The following MEI4 variants were observed in gnomAD, a reference collection of about 807,000 sequenced individuals.
The protein encoded by MEI4 is meiotic double-stranded break formation protein 4, also known as meiosis-specific protein MEI4.
In MEI4, 27 loss-of-function variants were observed where a neutral mutation model predicts 31.4. The ratio of observed to expected loss-of-function variants is 0.86; its 90% CI spans 0.63 to 1.19. The LOEUF (loss-of-function observed/expected upper bound fraction) is 1.19. Ranked by LOEUF, MEI4 falls within the 50% of genes most tolerant of loss-of-function variation. The probability of loss-of-function intolerance (pLI) is 0.00; values close to 1 mark genes in which losing one functional copy is unlikely to be tolerated. For missense variants in MEI4, 329 were observed against 398.9 expected, an observed-to-expected ratio of 0.82 and a Z score of 1.49; for synonymous variants, 122 against 145.4, an observed-to-expected ratio of 0.84 and a Z score of 1.16.
At chr6:77,763,314 A>G (rs1768085544) in intron 3 of MEI4, among the ~76,000 whole-genome samples, 2 of 152,068 alleles carry the variant, frequency 1.3e-5, no homozygotes, top group South Asian at 2.1e-4. Context: ...CTCAGCTAGT[A>G]TCTCACTATG....
At chr6:77,888,608 T>C (rs1450106496) in intron 4 of MEI4, among the ~76,000 whole-genome samples, 1 of 152,190 alleles carries the variant, frequency 6.6e-6, no homozygotes, top group Non-Finnish European at 1.5e-5. Context: ...CTAATGGGCA[T>C]AATATTCTTG....
chr6:77,871,714 T>TA (rs1771198037), intron 4 of MEI4, among the ~76,000 whole-genome samples: 1 of 151,986 alleles, frequency 6.6e-6, no homozygotes, highest in African/African-American at 2.4e-5. Context: ...GAAATTATTT[T>TA]TAAAAAAACA....
At position 77,897,618 on chromosome 6, in the gene MEI4, T is replaced by C. The variant is rs114144439; in HGVS notation, c.901-25471T>C. Among the ~76,000 whole-genome samples, 1,440 of 152,094 alleles carry C rather than the reference T, an allele frequency of 9.5e-3. 18 individuals are homozygous for C. Among genetic ancestry groups the C allele is most frequent in the African/African-American group, 0.032 (1,339 of 41,530 alleles). ...GGTAAAATGTCAAGATCCAAAATAC[T>C]AACAGTTTTAGAACTTTTCATCAAA... On this transcript the variant is annotated intron_variant, in intron 4 of 4. Coordinates refer to ENST00000684080, the MANE Select transcript of MEI4 (RefSeq NM_001322247.2).
At chr6:77,709,359 C>A (rs1274434697) in intron 2 of MEI4, among the ~76,000 whole-genome samples, 3 of 152,148 alleles carry the variant, frequency 2.0e-5, no homozygotes, top group African/African-American at 7.2e-5. Flanking sequence ...TCCATGAGAT[C>A]TTGTACCCAG....
intron 2 of MEI4, among the ~76,000 whole-genome samples, chr6:77,744,204 G>T (rs1219357851): frequency 1.3e-5 from 2 of 152,224 alleles, no homozygotes; most frequent in East Asian, 1.9e-4. Flanking sequence ...CAAAGGCAAA[G>T]AAGTTAAAAG....
chr6:77,687,113 T>C (rs1212835938), intron 1 of MEI4, among the ~76,000 whole-genome samples: 10 of 151,986 alleles, frequency 6.6e-5, no homozygotes, highest in African/African-American at 2.4e-4. Flanking sequence ...TCATATGTAA[T>C]ATGACTACAT....
chr6:77,916,648 G>A (rs1242308874), intron 4 of MEI4, among the ~76,000 whole-genome samples: 1 of 151,906 alleles, frequency 6.6e-6, no homozygotes, highest in Non-Finnish European at 1.5e-5. Flanking sequence ...ACCAAAAGAA[G>A]ATCCCATATC....
chr6:77,837,014 A>G (rs1052122938), intron 4 of MEI4, among the ~76,000 whole-genome samples: 2 of 152,130 alleles, frequency 1.3e-5, no homozygotes, highest in African/African-American at 2.4e-5. Flanking sequence ...TCAAATAACT[A>G]TTAGGTGTAA....
intron 2 of MEI4, among the ~76,000 whole-genome samples, chr6:77,737,592 AG>A (rs1767286128): frequency 6.6e-6 from 1 of 152,196 alleles, no homozygotes; most frequent in East Asian, 1.9e-4. Context: ...GAGATCATGG[AG>A]ACCTTTCTGA....
At chr6:77,687,961 C>T (rs755376757) in intron 1 of MEI4, among the ~76,000 whole-genome samples, 1 of 152,080 alleles carries the variant, frequency 6.6e-6, no homozygotes, top group South Asian at 2.1e-4. Flanking sequence ...ACTGAAAGTT[C>T]CAAGCTTTTA....
intron 4 of MEI4, among the ~76,000 whole-genome samples, chr6:77,906,495 T>C (rs182182389): frequency 1.5e-3 from 230 of 152,328 alleles, no homozygotes; most frequent in Middle Eastern, 3.4e-3. Context: ...TGTGGATATC[T>C]ACAGTTGTGA....
intron 3 of MEI4, among the ~76,000 whole-genome samples, chr6:77,796,791 C>T (rs1422990257): frequency 1.3e-5 from 2 of 152,252 alleles, no homozygotes; most frequent in East Asian, 3.9e-4. Context: ...TCAGTGCCAT[C>T]CACATTAAAA....
At chr6:77,680,028 C>T (rs755917065) in intron 1 of MEI4, among the ~76,000 whole-genome samples, 4 of 150,092 alleles carry the variant, frequency 2.7e-5, no homozygotes, top group Non-Finnish European at 5.9e-5. Context: ...CGTGAGCGAC[C>T]GTGTCCAGCC....
chr6:77,791,687 A>AG (rs200885000), intron 3 of MEI4, among the ~76,000 whole-genome samples: 2,768 of 150,220 alleles, frequency 0.018, 53 homozygotes, highest in Middle Eastern at 0.058. Context: ...ATAAAAAAAA[A>AG]AAAAAGAAAT....
intron 2 of MEI4, among the ~76,000 whole-genome samples, chr6:77,730,548 A>G (rs760249317): frequency 6.6e-6 from 1 of 151,902 alleles, no homozygotes; most frequent in Non-Finnish European, 1.5e-5. Context: ...TTTCAGAGCA[A>G]TTATTTTGCT....
intron 4 of MEI4, among the ~76,000 whole-genome samples, chr6:77,871,540 T>G (rs1360331757): frequency 1.3e-5 from 2 of 152,096 alleles, no homozygotes; most frequent in East Asian, 3.9e-4. Flanking sequence ...CACTGGAGAC[T>G]ACTAGCAGGG....
chr6:77,892,943 G>A (rs1311049365), intron 4 of MEI4, among the ~76,000 whole-genome samples: 1 of 152,024 alleles, frequency 6.6e-6, no homozygotes, highest in Non-Finnish European at 1.5e-5. Flanking sequence ...GCTAGTCTCA[G>A]GGCCCACAAG....
At chr6:77,769,885 C>T (rs1265418709) in intron 3 of MEI4, among the ~76,000 whole-genome samples, 1 of 151,900 alleles carries the variant, frequency 6.6e-6, no homozygotes, top group Non-Finnish European at 1.5e-5. Context: ...GGGTGAGACC[C>T]AGAGCCATGT....
In MEI4 at chr6:77,657,028, G is replaced by T. The variant is rs79731267; in HGVS notation, c.-15+3936G>T. Among the ~76,000 whole-genome samples, 6 of 152,230 alleles carry T rather than the reference G, an allele frequency of 3.9e-5. No homozygotes were observed. In the East Asian group the frequency reaches 1.2e-3, roughly 29 times the overall value. Reference sequence around the variant, plus strand: ...AATGAAGCAACTGTTTCAGCTCAAAGACTTTGGCAGTATGTTTCATGCTAA... The same window carrying T: ...AATGAAGCAACTGTTTCAGCTCAAATACTTTGGCAGTATGTTTCATGCTAA... On this transcript the variant is annotated intron_variant, in intron 1 of 4. Coordinates refer to ENST00000684080, the MANE Select transcript of MEI4 (RefSeq NM_001322247.2).
Sources: gnomAD v4.1 joint callset for allele counts (sites outside exome capture counted in the v4.1 genomes callset) on GRCh38, gnomAD v4.1.1 for gene constraint, MANE v1.5 for transcripts, NCBI Gene and HGNC (gene_info 2026-07-23, HGNC 2026-07-21) for gene names.